The following MYO9A variants were observed in gnomAD, a reference collection of about 807,000 sequenced individuals.
The protein encoded by MYO9A is unconventional myosin-IXa.
A neutral mutation model predicts 293.3 loss-of-function variants in MYO9A; 103 were observed. That is an observed-to-expected ratio of 0.35 (90% CI 0.30 to 0.41). The LOEUF (loss-of-function observed/expected upper bound fraction) is 0.41, where lower values mean the gene tolerates loss of function less well. Among genes scored for constraint, MYO9A ranks in the 10% least tolerant of loss-of-function variants. The probability of loss-of-function intolerance (pLI) is 1.00; values close to 1 mark genes in which losing one functional copy is unlikely to be tolerated. For missense variants in MYO9A, 2,685 were observed against 3,033.0 expected (o/e 0.89, Z 2.69); for synonymous variants, 1,001 against 1,035.7 (o/e 0.97, Z 0.64).
chr15:71,839,746 A>G (rs1403445969), intron 39 of MYO9A, among the ~76,000 whole-genome samples: 2 of 151,662 alleles, frequency 1.3e-5, no homozygotes, highest in African/African-American at 2.4e-5. Context: ...TCTTCCCTAC[A>G]TGGATATTCA....
intron 1 of MYO9A, among the ~76,000 whole-genome samples, chr15:72,081,554 A>G (rs1238977934): frequency 6.6e-6 from 1 of 152,078 alleles, no homozygotes; most frequent in Non-Finnish European, 1.5e-5. Context: ...TAGTCACTCT[A>G]AGCTCTTTGT....
At chr15:71,975,522 G>C (rs1473135516) in intron 12 of MYO9A, among the ~76,000 whole-genome samples, 1 of 151,132 alleles carries the variant, frequency 6.6e-6, no homozygotes, top group African/African-American at 2.4e-5. Flanking sequence ...CTCAGGAGCA[G>C]GTCACAGGAG....
intron 18 of MYO9A, among the ~76,000 whole-genome samples, chr15:71,922,189 G>A (rs940283760): frequency 6.6e-6 from 1 of 152,160 alleles, no homozygotes. Flanking sequence ...ATGTTGCCCA[G>A]GCTGGTCTCG....
At chr15:72,052,254 G>C (rs1021525654) in intron 1 of MYO9A, among the ~76,000 whole-genome samples, 1 of 152,080 alleles carries the variant, frequency 6.6e-6, no homozygotes, top group Admixed American at 6.6e-5. Flanking sequence ...CCCACTCCAC[G>C]GTCTCCACTC....
chr15:71,834,526 C>T (rs1324151262), intron 39 of MYO9A, among the ~76,000 whole-genome samples: 2 of 152,024 alleles, frequency 1.3e-5, no homozygotes, highest in African/African-American at 2.4e-5. Flanking sequence ...AATCCCAGAA[C>T]TTTGGGAGGC....
At chr15:71,828,478 TACTA>T (rs1373276216) in intron 40 of MYO9A, among the ~76,000 whole-genome samples, 4 of 152,188 alleles carry the variant, frequency 2.6e-5, no homozygotes, top group Non-Finnish European at 4.4e-5. Context: ...CCATGAAGCT[TACTA>T]ACTGGCTATA....
intron 13 of MYO9A, 52 bp downstream of exon 13, chr15:71,967,932 G>A (rs2075917453): frequency 6.5e-7 from 1 of 1,533,964 alleles, no homozygotes; most frequent in African/African-American, 1.4e-5. Flanking sequence ...GCTGGGGACA[G>A]TTAAGAACAC....
intron 2 of MYO9A, among the ~76,000 whole-genome samples, chr15:72,038,437 A>T (rs1474080853): frequency 6.6e-6 from 1 of 152,246 alleles, no homozygotes; most frequent in Non-Finnish European, 1.5e-5. Context: ...AGTTCAAGTT[A>T]TACAACACAG....
intron 11 of MYO9A, among the ~76,000 whole-genome samples, chr15:71,984,764 T>C (rs2076367184): frequency 6.6e-6 from 1 of 152,206 alleles, no homozygotes; most frequent in Non-Finnish European, 1.5e-5. Context: ...TTTTCCCCAA[T>C]TTGGGATTTT....
At chr15:71,949,841 A>T (rs1257206587) in intron 15 of MYO9A, among the ~76,000 whole-genome samples, 1 of 151,900 alleles carries the variant, frequency 6.6e-6, no homozygotes, top group Non-Finnish European at 1.5e-5. Flanking sequence ...ATAAGCCAGT[A>T]TGGTGGTGGT....
At chr15:71,938,064 C>T (rs2058683681) in intron 16 of MYO9A, among the ~76,000 whole-genome samples, 1 of 152,050 alleles carries the variant, frequency 6.6e-6, no homozygotes, top group Non-Finnish European at 1.5e-5. Context: ...TGTGACAGAT[C>T]TTGCATATGA....
chr15:72,065,557 G>T (rs2078996967), intron 1 of MYO9A, among the ~76,000 whole-genome samples: 1 of 150,578 alleles, frequency 6.6e-6, no homozygotes, highest in Non-Finnish European at 1.5e-5. Context: ...ACCTAGAGTG[G>T]GATCTCGAAC....
chr15:71,852,269 A>G lies in MYO9A; in HGVS notation c.6347-9T>C. 1.3e-6 allele frequency: 2 copies of G among 1,598,164 alleles called. No individual in the cohort carries two copies. Among genetic ancestry groups the G allele is most frequent in the East Asian group, 2.2e-5 (1 of 44,526 alleles). ...ATTTACACTCTCAGCATCTATTTAG[A>G]GACAAGAGTTAGATTAACAGAGCCA... On this transcript the variant is annotated splice_polypyrimidine_tract_variant and intron_variant, in intron 35 of 41. Coordinates refer to ENST00000356056, the MANE Select transcript of MYO9A (RefSeq NM_006901.4).
intron 1 of MYO9A, among the ~76,000 whole-genome samples, chr15:72,083,555 T>C (rs998487671): frequency 5.3e-5 from 8 of 152,124 alleles, no homozygotes; most frequent in Admixed American, 2.0e-4. Flanking sequence ...AGTTTGGGGG[T>C]TGGTTTGCTC....
intron 9 of MYO9A, among the ~76,000 whole-genome samples, chr15:71,998,827 T>C (rs2076782717): frequency 1.3e-5 from 2 of 151,824 alleles, no homozygotes; most frequent in South Asian, 4.2e-4. Flanking sequence ...GAACGTGCGG[T>C]GTTCGGTTTT....
At chr15:72,114,555 G>T (rs1052186238) in intron 1 of MYO9A, 2 of 152,136 alleles carry the variant, frequency 1.3e-5, no homozygotes, top group Admixed American at 6.5e-5. Context: ...TAGGAAATCG[G>T]GGGGAAGAAA....
In MYO9A at chr15:71,880,332, T is replaced by C; in HGVS notation, c.5622+3A>G. 1 of 1,613,844 alleles carries C rather than the reference T, an allele frequency of 6.2e-7. No homozygotes were observed. Among genetic ancestry groups the C allele is most frequent in the Non-Finnish European group, 8.5e-7 (1 of 1,179,720 alleles). On this transcript the variant is annotated splice_donor_region_variant and intron_variant, in intron 29 of 41. Coordinates refer to ENST00000356056, the MANE Select transcript of MYO9A (RefSeq NM_006901.4). The stretch of plus-strand genomic sequence containing the variant: ...AGGGCCTGACGTGGCAAATAAAGTG[T>C]ACCTTTTTCAGAAGAAATTCATCCA...
At chr15:71,978,130 C>T in intron 12 of MYO9A, 41 bp downstream of exon 12, 1 of 1,601,886 alleles carries the variant, frequency 6.2e-7, no homozygotes, top group South Asian at 1.1e-5. Context: ...AGATAAAAAG[C>T]CAAAACAGCC....
intron 32 of MYO9A, among the ~76,000 whole-genome samples, chr15:71,871,410 G>C (rs1459283167): frequency 6.6e-6 from 1 of 151,696 alleles, no homozygotes; most frequent in Non-Finnish European, 1.5e-5. Context: ...TGGAAAAAAG[G>C]TATGAATGGA....
Sources: allele counts gnomAD v4.1 joint callset (sites outside exome capture counted in the v4.1 genomes callset), GRCh38; gene constraint gnomAD v4.1.1; transcripts MANE v1.5; gene names NCBI Gene and HGNC (gene_info 2026-07-23, HGNC 2026-07-21).